Variants in TMTC2 observed in about 807,000 individuals in gnomAD.
The protein encoded by TMTC2 is protein O-mannosyl-transferase TMTC2.
A neutral mutation model predicts 82.4 loss-of-function variants in TMTC2; 43 were observed. The ratio of observed to expected loss-of-function variants is 0.52; its 90% CI spans 0.41 to 0.67. The LOEUF (loss-of-function observed/expected upper bound fraction) is 0.67. Ranked by LOEUF, TMTC2 falls within the 30% of genes least tolerant of loss-of-function variation. The pLI is 0.00. For synonymous variants in TMTC2, 408 were observed against 381.9 expected, an observed-to-expected ratio of 1.07 and a Z score of -0.80; for missense variants, 919 against 1,012.4, an observed-to-expected ratio of 0.91 and a Z score of 1.25.
At chr12:82,805,584 T>C (rs551463668) in intron 1 of TMTC2, among the ~76,000 whole-genome samples, 260 of 143,278 alleles carry the variant, frequency 1.8e-3, no homozygotes, top group African/African-American at 6.7e-3. Context: ...CTTGGCTCAC[T>C]GTAAGCTCCG....
rs772219760 is a variant in TMTC2 at position 82,966,910 on chromosome 12, A to G, written c.1870-9A>G. 4 of 1,595,086 alleles carry G rather than the reference A, an allele frequency of 2.5e-6. No homozygotes were observed. The East Asian group carries it at 8.9e-5, about 36-fold the overall frequency. On this transcript the variant is annotated splice_polypyrimidine_tract_variant and intron_variant, in intron 6 of 11. Transcript: ENST00000321196. ...ATGATTTATCTATTTTTTTTGTTTT[A>G]TAAATTAGGAAGCCCTTAGTGTATA... is the stretch of plus-strand genomic sequence containing the variant.
chr12:82,760,286 A>G (rs1212138561), intron 1 of TMTC2: 1 of 152,042 alleles, frequency 6.6e-6, no homozygotes, highest in African/African-American at 2.4e-5. Flanking sequence ...ATCATCCTGG[A>G]AATTTTTTCT....
chr12:82,721,301 C>T (rs1208528209), intron 1 of TMTC2, among the ~76,000 whole-genome samples: 1 of 152,058 alleles, frequency 6.6e-6, no homozygotes, highest in East Asian at 1.9e-4. Flanking sequence ...TGGTTAGGGA[C>T]GAAGCTCATA....
intron 4 of TMTC2, among the ~76,000 whole-genome samples, chr12:82,936,037 T>C (rs149943794): frequency 1.6e-3 from 246 of 152,176 alleles, no homozygotes; most frequent in Middle Eastern, 6.8e-3. Context: ...ATGTCAAATA[T>C]ACAATTTTAA....
chr12:83,119,628 T>C (rs1252532290), intron 11 of TMTC2, among the ~76,000 whole-genome samples: 1 of 152,216 alleles, frequency 6.6e-6, no homozygotes, highest in Admixed American at 6.5e-5. Context: ...GGTTGTTGGA[T>C]GGAATGTTCT....
chr12:83,109,827 G>A (rs778094753), intron 11 of TMTC2, among the ~76,000 whole-genome samples: 1 of 152,112 alleles, frequency 6.6e-6, no homozygotes, highest in Non-Finnish European at 1.5e-5. Flanking sequence ...TTCCATGCCT[G>A]CATCCTGAAG....
At chr12:82,820,402 G>A (rs912088598) in intron 1 of TMTC2, among the ~76,000 whole-genome samples, 3 of 150,538 alleles carry the variant, frequency 2.0e-5, no homozygotes, top group African/African-American at 7.3e-5. Context: ...ACACAGTCTT[G>A]CTATAACGCC....
In TMTC2 at chr12:83,076,080, G is replaced by A. The variant is rs540381593; in HGVS notation, c.2331+14249G>A. ...TAACTGTTGGCGTGGGCAAGTTGCA[G>A]CCTAGACTGGGGTCAGATTGTCGCA... is the stretch of plus-strand genomic sequence containing the variant. On this transcript the variant is annotated intron_variant, in intron 11 of 11. Transcript: ENST00000321196. Among the ~76,000 whole-genome samples the A allele has an allele frequency of 2.0e-4, 31 of 152,318 alleles. No homozygotes were observed. In the Middle Eastern group the frequency reaches 0.01, roughly 50 times the overall value.
At chr12:83,010,789 A>G (rs1166717974) in intron 8 of TMTC2, among the ~76,000 whole-genome samples, 1 of 151,824 alleles carries the variant, frequency 6.6e-6, no homozygotes, top group Non-Finnish European at 1.5e-5. Context: ...CACAAGGCAT[A>G]ATGTGTATTG....
At chr12:83,006,522 C>A (rs866007032) in intron 8 of TMTC2, among the ~76,000 whole-genome samples, 1 of 152,154 alleles carries the variant, frequency 6.6e-6, no homozygotes, top group African/African-American at 2.4e-5. Context: ...ACCGAACTTT[C>A]CATTGTGGAA....
At chr12:82,896,770 T>C (rs374822173) in intron 3 of TMTC2, 124 bp downstream of exon 3, 1 of 666,080 alleles carries the variant, frequency 1.5e-6, no homozygotes. Context: ...ACCTGTATCT[T>C]TCATTCTTTT....
At chr12:82,926,612 A>G (rs1392992952) in intron 3 of TMTC2, among the ~76,000 whole-genome samples, 4 of 152,222 alleles carry the variant, frequency 2.6e-5, no homozygotes, top group African/African-American at 7.2e-5. Context: ...ACAGATTTCT[A>G]TTGGAAGAAG....
intron 1 of TMTC2, among the ~76,000 whole-genome samples, chr12:82,757,212 C>A (rs1424834166): frequency 3.3e-5 from 5 of 152,280 alleles, no homozygotes; most frequent in East Asian, 1.9e-4. Flanking sequence ...AAATGAGAGC[C>A]TCCTCCAGAG....
At chr12:83,061,273 G>C (rs551179149) in intron 10 of TMTC2, among the ~76,000 whole-genome samples, 1 of 151,788 alleles carries the variant, frequency 6.6e-6, no homozygotes, top group African/African-American at 2.4e-5. Context: ...TATTTTTTCT[G>C]TTAACTACAC....
chr12:82,780,122 G>A (rs1466373629), intron 1 of TMTC2, among the ~76,000 whole-genome samples: 3 of 152,054 alleles, frequency 2.0e-5, no homozygotes, highest in Non-Finnish European at 2.9e-5. Context: ...CTTTTAGCAC[G>A]TCCACGCCAG....
intron 9 of TMTC2, among the ~76,000 whole-genome samples, chr12:83,036,482 T>A (rs1022563763): frequency 2.7e-5 from 4 of 150,616 alleles, no homozygotes; most frequent in African/African-American, 9.7e-5. Flanking sequence ...CCGAGTCTTT[T>A]TTTTTTTTTT....
chr12:83,042,828 C>T (rs1881944147), intron 9 of TMTC2, among the ~76,000 whole-genome samples: 1 of 152,202 alleles, frequency 6.6e-6, no homozygotes. Context: ...TCACACTAGA[C>T]ACCTTCCTTG....
intron 10 of TMTC2, among the ~76,000 whole-genome samples, chr12:83,056,606 T>C (rs2137465029): frequency 6.6e-6 from 1 of 152,088 alleles, no homozygotes; most frequent in South Asian, 2.1e-4. Context: ...AGATTGTGTG[T>C]GCTTACGTGT....
chr12:83,041,508 AAAC>A (rs374910753), intron 9 of TMTC2, among the ~76,000 whole-genome samples: 142 of 152,334 alleles, frequency 9.3e-4, no homozygotes, highest in African/African-American at 3.2e-3. Context: ...ATTATAATAA[AAAC>A]AATATCCTGG....
Sources: allele counts gnomAD v4.1 joint callset (sites outside exome capture counted in the v4.1 genomes callset), GRCh38; gene constraint gnomAD v4.1.1; transcripts MANE v1.5; gene names NCBI Gene and HGNC (gene_info 2026-07-23, HGNC 2026-07-21).